The following CFAP206 variants were observed in gnomAD, a reference collection of about 807,000 sequenced individuals.
CFAP206 encodes cilia and flagella associated protein 206.
In CFAP206, 53 loss-of-function variants were observed where a neutral mutation model predicts 65.4. The observed-to-expected ratio is 0.81, with a 90% CI of 0.65 to 1.02. The LOEUF (loss-of-function observed/expected upper bound fraction) is 1.02. CFAP206 is among the 50% of genes least tolerant of loss of function. CFAP206 has a pLI of 0.00. For missense variants in CFAP206, 663 were observed against 753.2 expected (o/e 0.88, Z 1.40); for synonymous variants, 250 against 254.4 (o/e 0.98, Z 0.17).
At chr6:87,418,178 A>G (rs955806585) in intron 6 of CFAP206, 30 bp from the exon 7 acceptor site, 1 of 1,602,916 alleles carries the variant, frequency 6.2e-7, no homozygotes, top group Non-Finnish European at 8.5e-7. Context: ...AGTCTCCTTT[A>G]TGGCTGCCTT....
chr6:87,438,770 T>A, intron 11 of CFAP206, among the ~76,000 whole-genome samples: 1 of 152,236 alleles, frequency 6.6e-6, no homozygotes, highest in East Asian at 1.9e-4. Context: ...TACATTGAGA[T>A]CTTTAGTCTA....
At chr6:87,437,849 TTTAG>T (rs1325283107) in intron 11 of CFAP206, among the ~76,000 whole-genome samples, 2 of 148,092 alleles carry the variant, frequency 1.4e-5, no homozygotes, top group African/African-American at 2.5e-5. Context: ...TTTTTTTTTT[TTTAG>T]TTTTAGTTTT....
chr6:87,458,462 T>C (rs1256311524), intron 11 of CFAP206, among the ~76,000 whole-genome samples: 3 of 152,066 alleles, frequency 2.0e-5, no homozygotes, highest in South Asian at 2.1e-4. Context: ...GTGGTACATA[T>C]ACATAATAGA....
At chr6:87,410,834 A>G (rs1767723140) in intron 3 of CFAP206, among the ~76,000 whole-genome samples, 166 bp downstream of exon 3, 1 of 152,198 alleles carries the variant, frequency 6.6e-6, no homozygotes, top group African/African-American at 2.4e-5. Context: ...GACATAGACC[A>G]TTCTTCCTGG....
At chr6:87,445,273 T>G (rs1340976836) in intron 11 of CFAP206, 2 of 224,858 alleles carry the variant, frequency 8.9e-6, no homozygotes, top group Non-Finnish European at 1.7e-5. Context: ...GGTAAATGTG[T>G]GCTGAGGTGG....
At chr6:87,413,670 A>G in intron 3 of CFAP206, 140 bp from the exon 4 acceptor site, 2 of 479,698 alleles carry the variant, frequency 4.2e-6, no homozygotes, top group South Asian at 5.9e-5. Context: ...CCTCAAGGAG[A>G]AAAAAAAAAT....
At chr6:87,446,825 G>T (rs1356779741) in intron 11 of CFAP206, among the ~76,000 whole-genome samples, 1 of 152,178 alleles carries the variant, frequency 6.6e-6, no homozygotes, top group African/African-American at 2.4e-5. Flanking sequence ...CTATTCATGA[G>T]AATGGAATGT....
chr6:87,416,389 T>C (rs535279392), intron 5 of CFAP206, among the ~76,000 whole-genome samples: 1 of 152,308 alleles, frequency 6.6e-6, no homozygotes, highest in African/African-American at 2.4e-5. Context: ...TTGGCTCAGA[T>C]CCCTAATTAG....
chr6:87,416,180 G>C (rs1216066786), intron 5 of CFAP206, among the ~76,000 whole-genome samples: 1 of 152,112 alleles, frequency 6.6e-6, no homozygotes, highest in Non-Finnish European at 1.5e-5. Flanking sequence ...CAGGCTGATT[G>C]AGTAAATGGA....
chr6:87,459,265 TTGTC>T (rs1768701179), intron 11 of CFAP206, among the ~76,000 whole-genome samples: 2 of 152,168 alleles, frequency 1.3e-5, no homozygotes, highest in Non-Finnish European at 2.9e-5. Flanking sequence ...CTTCCGTTTT[TTGTC>T]TGTAAGATGA....
At chr6:87,428,560 A>G (rs1165376494) in intron 8 of CFAP206, 66 bp from the exon 9 acceptor site, 1 of 1,407,966 alleles carries the variant, frequency 7.1e-7, no homozygotes, top group Non-Finnish European at 1.0e-6. Context: ...ATTTATCTTA[A>G]AGAGTACAGT....
chr6:87,416,917 G>A, intron 6 of CFAP206, 90 bp downstream of exon 6: 2 of 1,082,638 alleles, frequency 1.8e-6, no homozygotes, highest in Non-Finnish European at 1.3e-6. Context: ...CACACCACTG[G>A]CATTCTTAAA....
intron 7 of CFAP206, among the ~76,000 whole-genome samples, chr6:87,421,969 C>G (rs531704563): frequency 6.6e-6 from 1 of 152,226 alleles, no homozygotes; most frequent in Non-Finnish European, 1.5e-5. Flanking sequence ...ATAAGTTTGA[C>G]TAGACTTGTT....
At chr6:87,423,287 C>T (rs916755368) in intron 7 of CFAP206, among the ~76,000 whole-genome samples, 1 of 148,350 alleles carries the variant, frequency 6.7e-6, no homozygotes, top group Non-Finnish European at 1.5e-5. Context: ...CTCGCTCTGT[C>T]GCCCAGGCTG....
At position 87,408,104 on chromosome 6, in the gene CFAP206, G is replaced by A. The variant is rs1250970875; in HGVS notation, c.-6+15G>A. ...TTCCGATCCAGGTCAGCCTACTCGG[G>A]GCTCCGCGCCCTTGACCCGGAGGCG... On this transcript the variant is annotated intron_variant, in intron 1 of 12. Transcript: ENST00000369562. The A allele has an allele frequency of 2.0e-6, 2 of 983,976 alleles. No homozygotes were observed. The highest frequency in any genetic ancestry group is 2.4e-6 in the Non-Finnish European group (2 of 828,676). 61.0% of individuals were successfully genotyped at this position (983,976 alleles called of 1,614,324 possible).
chr6:87,410,409 A>G (rs1022888262), intron 2 of CFAP206, among the ~76,000 whole-genome samples, 176 bp from the exon 3 acceptor site: 1 of 152,114 alleles, frequency 6.6e-6, no homozygotes, highest in African/African-American at 2.4e-5. Flanking sequence ...CCTTTTTTCA[A>G]CCTCTAACAA....
chr6:87,430,193 A>G (rs1036252440), intron 9 of CFAP206, among the ~76,000 whole-genome samples: 3 of 152,210 alleles, frequency 2.0e-5, no homozygotes, highest in Non-Finnish European at 4.4e-5. Context: ...TCAGGAAAAA[A>G]GAGAGAGGAT....
intron 7 of CFAP206, among the ~76,000 whole-genome samples, chr6:87,423,349 C>T (rs185996296): frequency 6.6e-6 from 1 of 151,294 alleles, no homozygotes; most frequent in African/African-American, 2.4e-5. Flanking sequence ...CCCGGGTTCA[C>T]GCCATTCTCC....
At chr6:87,408,303 C>T (rs1767661208) in intron 1 of CFAP206, among the ~76,000 whole-genome samples, 1 of 152,220 alleles carries the variant, frequency 6.6e-6, no homozygotes, top group Non-Finnish European at 1.5e-5. Context: ...GCAGGGCTGC[C>T]CTCTAGCCTT....
Sources: allele counts gnomAD v4.1 joint callset (sites outside exome capture counted in the v4.1 genomes callset), GRCh38; gene constraint gnomAD v4.1.1; transcripts MANE v1.5; gene names NCBI Gene and HGNC (gene_info 2026-07-23, HGNC 2026-07-21).